GCLM: variants seen among roughly 807,000 people sequenced by gnomAD.
GCLM encodes glutamate--cysteine ligase regulatory subunit.
GCLM carries 15 observed loss-of-function variants against 36.0 expected under a neutral mutation model. The observed-to-expected ratio is 0.42, with a 90% confidence interval of 0.28 to 0.64. The LOEUF is 0.64. GCLM is among the 30% of genes least tolerant of loss of function. The pLI, the probability that GCLM is intolerant of heterozygous loss-of-function variation, is 0.25. For synonymous variants in GCLM, 129 were observed against 122.8 expected (o/e 1.05, Z -0.34); for missense variants, 242 against 325.5 (o/e 0.74, Z 1.97).
intron 3 of GCLM, among the ~76,000 whole-genome samples, chr1:93,899,003 T>A (rs12140446): frequency 0.28 from 43,276 of 152,048 alleles, 7,266 homozygotes; most frequent in East Asian, 0.54. Flanking sequence ...TCACCCAAAT[T>A]ACTGTTTAGA....
At position 93,894,751 on chromosome 1, in the gene GCLM, G is replaced by A. The variant is rs750387132; in HGVS notation, c.541-23C>T. On this transcript the variant is annotated intron_variant, in intron 5 of 6. Coordinates refer to ENST00000370238, the MANE Select transcript of GCLM (RefSeq NM_002061.4). ...TACCTAGAAGTGAAAATAAAATCAT[G>A]ATATCACTACTAAATTAAATATAAT... 6 of 1,054,268 alleles carry A rather than the reference G, an allele frequency of 5.7e-6. No homozygotes were observed. In the East Asian group the frequency reaches 1.2e-4, roughly 21 times the overall value. 65.3% of individuals were successfully genotyped at this position (1,054,268 alleles called of 1,614,324 possible).
At chr1:93,904,307 C>A (rs2100926065) in intron 2 of GCLM, 1 of 517,046 alleles carries the variant, frequency 1.9e-6, no homozygotes, top group Non-Finnish European at 3.5e-6. Flanking sequence ...GCATGAGAAT[C>A]CTAGTATCTT....
At chr1:93,902,082 G>A (rs1391692976) in intron 2 of GCLM, among the ~76,000 whole-genome samples, 1 of 151,666 alleles carries the variant, frequency 6.6e-6, no homozygotes, top group African/African-American at 2.4e-5. Flanking sequence ...TTAATTACAA[G>A]CATTTTCTTT....
intron 1 of GCLM, chr1:93,908,709 G>A (rs1487738899): frequency 1.6e-5 from 3 of 192,822 alleles, no homozygotes; most frequent in African/African-American, 7.0e-5. Context: ...GAGAGAGACG[G>A]AGCGACGTCC....
Position 93,908,991 on chromosome 1 carries a change from C to T in GCLM, c.126+47G>A. 2.2e-5 allele frequency: 30 copies of T among 1,392,972 alleles called. 1 individual carries two copies. The highest frequency in any genetic ancestry group is 2.7e-5 in the Non-Finnish European group (29 of 1,073,654). 86.3% of individuals were successfully genotyped at this position (1,392,972 alleles called of 1,614,324 possible). The stretch of plus-strand genomic sequence containing the variant: ...CCCTTGCCGGAACCGCCCGGCCCCG[C>T]CCGAGGCCTGCCCCGGGAGCCCCGC... On this transcript the variant is annotated intron_variant, in intron 1 of 6. Transcript: ENST00000370238.
intron 3 of GCLM, among the ~76,000 whole-genome samples, chr1:93,901,093 T>C (rs1656931483): frequency 6.6e-6 from 1 of 152,222 alleles, no homozygotes; most frequent in Non-Finnish European, 1.5e-5. Context: ...TCCTTGAGTA[T>C]AGTACAGTTT....
intron 6 of GCLM, among the ~76,000 whole-genome samples, chr1:93,889,920 AT>A (rs556290533): frequency 2.0e-5 from 3 of 148,668 alleles, no homozygotes; most frequent in African/African-American, 2.5e-5. Flanking sequence ...ATATATATAT[AT>A]TTTTTTTTGA....
intron 4 of GCLM, among the ~76,000 whole-genome samples, chr1:93,897,152 C>T (rs1656761463): frequency 6.6e-6 from 1 of 152,134 alleles, no homozygotes; most frequent in Admixed American, 6.5e-5. Context: ...TAGTAGCTCC[C>T]TTATCTTCAT....
At chr1:93,903,580 A>G (rs1231163315) in intron 2 of GCLM, among the ~76,000 whole-genome samples, 1 of 151,920 alleles carries the variant, frequency 6.6e-6, no homozygotes, top group Non-Finnish European at 1.5e-5. Context: ...AGCCTCCCAA[A>G]GTGCTGGGAT....
intron 5 of GCLM, 99 bp from the exon 6 acceptor site, chr1:93,894,827 T>C (rs1349517002): frequency 1.6e-6 from 1 of 640,664 alleles, no homozygotes; most frequent in Non-Finnish European, 2.8e-6. Flanking sequence ...TTAGAACATA[T>C]GAAAAATCAC....
At chr1:93,903,564 T>C (rs1657038140) in intron 2 of GCLM, among the ~76,000 whole-genome samples, 1 of 151,498 alleles carries the variant, frequency 6.6e-6, no homozygotes, top group Non-Finnish European at 1.5e-5. Flanking sequence ...GTGATCTACC[T>C]GCTTTAGCCT....
intron 5 of GCLM, among the ~76,000 whole-genome samples, chr1:93,894,990 C>T (rs1339264929): frequency 3.5e-5 from 5 of 144,326 alleles, no homozygotes; most frequent in African/African-American, 2.6e-5. Context: ...ACTAGGGGAA[C>T]GAAAAAGCCA....
At chr1:93,902,687 T>A (rs1473528191) in intron 2 of GCLM, among the ~76,000 whole-genome samples, 1 of 152,124 alleles carries the variant, frequency 6.6e-6, no homozygotes. Flanking sequence ...CCAAGTCCAG[T>A]TTATCTTAGG....
chr1:93,897,580 A>G (rs1656778683), intron 4 of GCLM, among the ~76,000 whole-genome samples: 2 of 152,066 alleles, frequency 1.3e-5, no homozygotes, highest in Non-Finnish European at 2.9e-5. Flanking sequence ...AGGGCTAAGA[A>G]TAAGAACTTC....
chr1:93,897,770 A>T, intron 4 of GCLM, 69 bp downstream of exon 4: 1 of 766,938 alleles, frequency 1.3e-6, no homozygotes, highest in Non-Finnish European at 2.1e-6. Flanking sequence ...CCTAAGCACA[A>T]GTTATAACTA....
At chr1:93,903,343 C>T (rs17885147) in intron 2 of GCLM, among the ~76,000 whole-genome samples, 1,931 of 151,980 alleles carry the variant, frequency 0.013, 35 homozygotes, top group African/African-American at 0.044. Flanking sequence ...CAGAGTCTCA[C>T]TCTCTTGCTC....
rs898759395 is a variant in GCLM at position 93,909,415 on chromosome 1, G to C, written c.-252C>G. ...TCCGGCTACTGCGGCCGCAGCGGGAGAGCTGATTCCAAACTGAGGGAGCTG... is the reference window on the plus strand; with the variant it reads ...TCCGGCTACTGCGGCCGCAGCGGGACAGCTGATTCCAAACTGAGGGAGCTG... On this transcript the variant is annotated 5_prime_UTR_variant, in exon 1 of 7. Coordinates refer to ENST00000370238, the MANE Select transcript of GCLM (RefSeq NM_002061.4). 4.4e-6 allele frequency: 2 copies of C among 452,176 alleles called. No individual in the cohort carries two copies. The highest frequency in any genetic ancestry group is 5.9e-6 in the Non-Finnish European group (2 of 337,376). The allele number at this position is 452,176 out of a possible 1,614,324, so 28.0% of individuals were successfully genotyped here. A position where few individuals can be genotyped will look rare whatever the true frequency, so the allele number is the denominator to read the frequency against.
intron 6 of GCLM, among the ~76,000 whole-genome samples, chr1:93,894,173 G>A (rs1656634293): frequency 6.6e-6 from 1 of 152,028 alleles, no homozygotes; most frequent in African/African-American, 2.4e-5. Context: ...CAGGAGGAGA[G>A]CTTGAGTCCG....
Position 93,888,021 on chromosome 1 carries a change from C to T in GCLM, c.*969G>A, listed in dbSNP as rs1656385736. ...AGTTGTTTAAGTAGATAATGTCGGC[C>T]CTGAATTAAGGATTTTTTTTTCATC... On this transcript the variant is annotated 3_prime_UTR_variant, in exon 7 of 7. Coordinates refer to ENST00000370238, the MANE Select transcript of GCLM (RefSeq NM_002061.4). 6.6e-6 allele frequency: 1 copy of T among 152,034 alleles called. No homozygotes were observed. Among genetic ancestry groups the T allele is most frequent in the African/African-American group, 2.4e-5 (1 of 41,466 alleles). The allele number at this position is 152,034 out of a possible 1,614,324, so 9.4% of individuals were successfully genotyped here.
Sources: allele counts gnomAD v4.1 joint callset (sites outside exome capture counted in the v4.1 genomes callset), GRCh38; gene constraint gnomAD v4.1.1; transcripts MANE v1.5; gene names NCBI Gene and HGNC (gene_info 2026-07-23, HGNC 2026-07-21).